BCAS3: variants seen among roughly 807,000 people sequenced by gnomAD.
BCAS3 encodes BCAS4/BCAS3 fusion.
In BCAS3, 53 loss-of-function variants were observed where a neutral mutation model predicts 116.1. That is an observed-to-expected ratio of 0.46 (90% CI 0.37 to 0.57). BCAS3 has a LOEUF of 0.57. BCAS3 is among the 20% of genes least tolerant of loss of function. The pLI, the probability that BCAS3 is intolerant of heterozygous loss-of-function variation, is 0.00. For missense variants in BCAS3, 917 were observed against 1,165.4 expected (o/e 0.79, Z 3.10); for synonymous variants, 391 against 408.2 (o/e 0.96, Z 0.51).
Position 61,391,930 on chromosome 17 carries a change from C to A in BCAS3, c.2594-47C>A. ...CCTGGCCCAGATGGTGCCCCCACTC[C>A]CCAGACCCAACTCTAACCAGGCCTG... On this transcript the variant is annotated intron_variant, in intron 23 of 23. Coordinates refer to ENST00000407086, the MANE Select transcript of BCAS3 (RefSeq NM_017679.5). This position sits in a 1 kb window ranked among gnomAD's most constrained non-coding sequence, Gnocchi z 7.7. The A allele has an allele frequency of 6.3e-7, 1 of 1,597,396 alleles. No homozygotes were observed.
In BCAS3 at chr17:61,082,086, G is replaced by A. The variant is rs1360811270; in HGVS notation, c.2328-2381G>A. Among the ~76,000 whole-genome samples, 1 of 152,198 alleles carries A rather than the reference G, an allele frequency of 6.6e-6. No individual in the cohort carries two copies. The highest frequency in any genetic ancestry group is 1.5e-5 in the Non-Finnish European group (1 of 68,042). On this transcript the variant is annotated intron_variant, in intron 21 of 23. Transcript: ENST00000407086. This position sits in a 1 kb window ranked among gnomAD's most constrained non-coding sequence, Gnocchi z 5.1. ...TCAGGCAAGCTCCCTACACAGAGCAGGTGTTTAAAAAGAATGGGCAATGAA... is the reference window on the plus strand; with the variant it reads ...TCAGGCAAGCTCCCTACACAGAGCAAGTGTTTAAAAAGAATGGGCAATGAA...
At chr17:60,833,780 T>C (rs762323859) in intron 7 of BCAS3, among the ~76,000 whole-genome samples, 1 of 152,234 alleles carries the variant, frequency 6.6e-6, no homozygotes, top group Non-Finnish European at 1.5e-5. Flanking sequence ...TTTGATATAA[T>C]AGATATATTT....
At position 61,248,232 on chromosome 17, in the gene BCAS3, C is replaced by T. The variant is rs1048958951; in HGVS notation, c.2426-120095C>T. The stretch of plus-strand genomic sequence containing the variant: ...TTTGTAGGTGGTACCCTATTTGAGT[C>T]CTTCTGAAGACTGGAGCACATAAAG... On this transcript the variant is annotated intron_variant, in intron 22 of 23. Transcript: ENST00000407086. The surrounding 1 kb of genome is among the most constrained non-coding windows in gnomAD (Gnocchi z 4.3). Among the ~76,000 whole-genome samples the T allele has an allele frequency of 6.6e-6, 1 of 152,140 alleles. No individual in the cohort carries two copies. Among genetic ancestry groups the T allele is most frequent in the Non-Finnish European group, 1.5e-5 (1 of 68,026 alleles).
chr17:61,168,693 G>T (rs2078662715), intron 22 of BCAS3, among the ~76,000 whole-genome samples: 1 of 152,148 alleles, frequency 6.6e-6, no homozygotes, highest in Non-Finnish European at 1.5e-5. Context: ...AGCAGGTTCT[G>T]CCCTGTGCTG....
intron 22 of BCAS3, among the ~76,000 whole-genome samples, chr17:61,167,144 T>C (rs1356619507): frequency 6.6e-6 from 1 of 152,196 alleles, no homozygotes; most frequent in Non-Finnish European, 1.5e-5. Flanking sequence ...AGAAAACTTT[T>C]CCTTTCCTAA....
intron 14 of BCAS3, among the ~76,000 whole-genome samples, chr17:60,957,918 G>A (rs375466995): frequency 6.6e-6 from 1 of 152,180 alleles, no homozygotes; most frequent in Admixed American, 6.5e-5. Flanking sequence ...GGCCAATATA[G>A]CGTTAAGAGC....
intron 5 of BCAS3, among the ~76,000 whole-genome samples, chr17:60,724,560 A>G (rs1287563416): frequency 6.6e-6 from 1 of 151,714 alleles, no homozygotes; most frequent in Non-Finnish European, 1.5e-5. Flanking sequence ...CCCCGTCTCT[A>G]CTAAAAATAC....
Position 61,208,747 on chromosome 17 carries a change from G to T in BCAS3, c.2425+124183G>T, listed in dbSNP as rs964926826. On this transcript the variant is annotated intron_variant, in intron 22 of 23. Transcript: ENST00000407086. This position sits in a 1 kb window ranked among gnomAD's most constrained non-coding sequence, Gnocchi z 4.5. ...AAGGTCTGCTTAGCTGTCTTTTCCT[G>T]TTTAAAATACAGCTGCCCCTGCAGT... Among the ~76,000 whole-genome samples, 3 of 152,102 alleles carry T rather than the reference G, an allele frequency of 2.0e-5. No individual in the cohort carries two copies. Among genetic ancestry groups the T allele is most frequent in the Non-Finnish European group, 4.4e-5 (3 of 68,026 alleles).
Position 61,063,093 on chromosome 17 carries a change from A to T in BCAS3, c.2030-11827A>T, listed in dbSNP as rs930612981. Among the ~76,000 whole-genome samples the T allele has an allele frequency of 2.6e-5, 4 of 152,136 alleles. No homozygotes were observed. The highest frequency in any genetic ancestry group is 9.7e-5 in the African/African-American group (4 of 41,430). ...TCTTTGGCCCTCCAGAAAGTCAACA[A>T]ACAAACTGCCTCAAGCATCCTAAAA... On this transcript the variant is annotated intron_variant, in intron 19 of 23. Transcript: ENST00000407086. This position sits in a 1 kb window ranked among gnomAD's most constrained non-coding sequence, Gnocchi z 5.3.
At chr17:60,996,280 C>T (rs2063830240) in intron 15 of BCAS3, among the ~76,000 whole-genome samples, 2 of 151,852 alleles carry the variant, frequency 1.3e-5, no homozygotes, top group African/African-American at 4.8e-5. Context: ...TAGTTGAGAC[C>T]AGTTAGGAGA....
chr17:60,705,567 A>G (rs2037018070), intron 4 of BCAS3, among the ~76,000 whole-genome samples: 1 of 152,034 alleles, frequency 6.6e-6, no homozygotes, highest in African/African-American at 2.4e-5. Flanking sequence ...AGATATGGCA[A>G]AAAAGATGAG....
rs1306554066 is a variant in BCAS3 at position 61,122,158 on chromosome 17, A to C, written c.2425+37594A>C. 6.6e-6 allele frequency among the ~76,000 whole-genome samples: 1 copy of C among 152,220 alleles called. No homozygotes were observed. Among genetic ancestry groups the C allele is most frequent in the Admixed American group, 6.5e-5 (1 of 15,278 alleles). On this transcript the variant is annotated intron_variant, in intron 22 of 23. Coordinates refer to ENST00000407086, the MANE Select transcript of BCAS3 (RefSeq NM_017679.5). This position sits in a 1 kb window ranked among gnomAD's most constrained non-coding sequence, Gnocchi z 4.6. ...AGTATTGAACAGTCTCCCTTCCCCC[A>C]GTTTTAATCACAACTAAAATCATAC...
Position 61,215,894 on chromosome 17 carries a change from A to C in BCAS3, c.2425+131330A>C, listed in dbSNP as rs2081755405. On this transcript the variant is annotated intron_variant, in intron 22 of 23. Transcript: ENST00000407086. The surrounding 1 kb of genome is among the most constrained non-coding windows in gnomAD (Gnocchi z 4.8). ...AATTCTAGTGTACAGCCAGATTTGA[A>C]AACCTTTGTCTTAGTCAGATCTCTG... Among the ~76,000 whole-genome samples, 1 of 152,228 alleles carries C rather than the reference A, an allele frequency of 6.6e-6. No individual in the cohort carries two copies.
chr17:61,179,047 T>A (rs1399000252), intron 22 of BCAS3, among the ~76,000 whole-genome samples: 1 of 152,098 alleles, frequency 6.6e-6, no homozygotes, highest in Non-Finnish European at 1.5e-5. Context: ...GAAATGGCAT[T>A]GCTAGGTAAA....
At chr17:61,096,079 C>T (rs982357171) in intron 22 of BCAS3, among the ~76,000 whole-genome samples, 3 of 152,088 alleles carry the variant, frequency 2.0e-5, no homozygotes, top group African/African-American at 7.2e-5. Context: ...TTCACTGCAA[C>T]CTCCACCTCC....
At chr17:60,822,802 A>G (rs1030426475) in intron 7 of BCAS3, among the ~76,000 whole-genome samples, 15 of 152,194 alleles carry the variant, frequency 9.9e-5, no homozygotes, top group African/African-American at 3.4e-4. Context: ...GCTTTAACCA[A>G]TAACATGTCA....
intron 6 of BCAS3, among the ~76,000 whole-genome samples, chr17:60,754,239 T>C (rs2042776146): frequency 6.6e-6 from 1 of 152,062 alleles, no homozygotes; most frequent in Admixed American, 6.6e-5. Flanking sequence ...AGAATTTTGC[T>C]CTGTCACCCA....
intron 4 of BCAS3, among the ~76,000 whole-genome samples, chr17:60,701,869 G>T (rs1271673455): frequency 6.6e-6 from 1 of 151,304 alleles, no homozygotes; most frequent in Non-Finnish European, 1.5e-5. Flanking sequence ...AGCTTCTTGG[G>T]AGACTGAGGC....
rs1407917911 is a variant in BCAS3 at position 61,088,759 on chromosome 17, A to G, written c.2425+4195A>G. Among the ~76,000 whole-genome samples, 1 of 152,246 alleles carries G rather than the reference A, an allele frequency of 6.6e-6. No homozygotes were observed. Among genetic ancestry groups the G allele is most frequent in the Non-Finnish European group, 1.5e-5 (1 of 68,044 alleles). ...TTTACTATGGAGATGGATGTTTACT[A>G]ACAAAGAACTCAGATAATTGAGATC... On this transcript the variant is annotated intron_variant, in intron 22 of 23. Coordinates refer to ENST00000407086, the MANE Select transcript of BCAS3 (RefSeq NM_017679.5). The surrounding 1 kb of genome is among the most constrained non-coding windows in gnomAD (Gnocchi z 4.2).
Sources: allele counts gnomAD v4.1 joint callset (sites outside exome capture counted in the v4.1 genomes callset), GRCh38; gene constraint gnomAD v4.1.1; non-coding constraint Gnocchi (gnomAD v3.1); transcripts MANE v1.5; gene names NCBI Gene and HGNC (gene_info 2026-07-23, HGNC 2026-07-21).